Variants in FANCM observed in about 807,000 individuals in gnomAD.
The protein encoded by FANCM is FA complementation group M.
FANCM carries 140 observed loss-of-function variants against 199.5 expected under a neutral mutation model. The observed-to-expected ratio is 0.70, with a 90% CI of 0.61 to 0.81. The LOEUF is 0.81. Among genes scored for constraint, FANCM ranks in the 30% least tolerant of loss-of-function variants. FANCM has a pLI of 0.00. For synonymous variants in FANCM, 840 were observed against 836.8 expected (o/e 1.00, Z -0.07); for missense variants, 2,410 against 2,421.4 (o/e 1.00, Z 0.10).
intron 3 of FANCM, 84 bp downstream of exon 3, chr14:45,140,793 T>C: frequency 1.1e-6 from 1 of 875,494 alleles, no homozygotes; most frequent in South Asian, 1.3e-5. Context: ...GTAATCCTAG[T>C]GCTTTGGGAG....
intron 8 of FANCM, 135 bp downstream of exon 8, chr14:45,155,594 T>A: frequency 1.8e-6 from 1 of 549,100 alleles, no homozygotes; most frequent in Non-Finnish European, 3.4e-6. Context: ...AGGTCAGGAG[T>A]TCAAGACCAG....
Position 45,200,188 on chromosome 14 carries a change from T to C in FANCM, c.*180T>C, listed in dbSNP as rs1268507727. 4.9e-6 allele frequency: 1 copy of C among 204,006 alleles called. No homozygotes were observed. Among genetic ancestry groups the C allele is most frequent in the Non-Finnish European group, 9.3e-6 (1 of 107,730 alleles). 12.6% of individuals were successfully genotyped at this position (204,006 alleles called of 1,614,324 possible). A position where few individuals can be genotyped will look rare whatever the true frequency, so the allele number is the denominator to read the frequency against. On this transcript the variant is annotated 3_prime_UTR_variant, in exon 23 of 23. Coordinates refer to ENST00000267430, the MANE Select transcript of FANCM (RefSeq NM_020937.4). ...TAAAAAAGAAAAATCTGATGTTCAG[T>C]GATCATTTTGACTAGATTATAAAAC...
In FANCM at chr14:45,146,725, C is replaced by T. The variant is rs566589063; in HGVS notation, c.760-2112C>T. Among the ~76,000 whole-genome samples the T allele has an allele frequency of 3.2e-3, 479 of 148,924 alleles. 1 individual carries two copies. The highest frequency in any genetic ancestry group is 4.8e-3 in the Non-Finnish European group (326 of 67,552). The stretch of plus-strand genomic sequence containing the variant: ...GTGGGCACCTGTAGTCCCAGCTACT[C>T]GGGAGGCTGAGGCGCAAGAATGGCG... On this transcript the variant is annotated intron_variant, in intron 3 of 22. Coordinates refer to ENST00000267430, the MANE Select transcript of FANCM (RefSeq NM_020937.4).
Position 45,173,152 on chromosome 14 carries a change from A to G in FANCM, c.2258A>G (p.Asp753Gly), listed in dbSNP as rs756438082. 4.3e-5 allele frequency: 69 copies of G among 1,613,634 alleles called. 2 individuals carry two copies. The South Asian group carries it at 7.0e-4, about 16-fold the overall frequency. ...PLPTHQVDHS[D>G]RCRHFIGLMQ... is the part of the protein sequence containing the mutation. ...CCTACACATCAAGTTGATCACTCAG[A>G]TCGATGCCGCCATTTTATAGGCCTT... The change falls in exon 13 of 23, where the codon GAT becomes GGT. Residue 753 changes from aspartate to glycine, a missense_variant. Physicochemically the swap from Asp to Gly is moderately conservative, Grantham distance 94. Transcript: ENST00000267430.
intron 22 of FANCM, 74 bp downstream of exon 22, chr14:45,199,009 TAAA>T: frequency 8.2e-7 from 1 of 1,215,522 alleles, no homozygotes. Context: ...AGTTTAATGT[TAAA>T]AAAATTTAAG....
intron 3 of FANCM, among the ~76,000 whole-genome samples, chr14:45,148,044 A>G (rs986438178): frequency 4.6e-5 from 7 of 152,046 alleles, no homozygotes; most frequent in Admixed American, 3.9e-4. Flanking sequence ...GAAAATACAA[A>G]AAATTAGCTG....
intron 16 of FANCM, among the ~76,000 whole-genome samples, chr14:45,182,300 A>G (rs1051976623): frequency 5.3e-5 from 8 of 152,256 alleles, no homozygotes; most frequent in African/African-American, 7.2e-5. Context: ...CGGCATCTCT[A>G]TGTTATTAGA....
chr14:45,158,349 TCAC>T (rs1887342901), intron 8 of FANCM, among the ~76,000 whole-genome samples: 2 of 152,064 alleles, frequency 1.3e-5, no homozygotes. Flanking sequence ...ACTACCATGA[TCAC>T]CAATCACCCA....
At chr14:45,169,165 A>T (rs1350604452) in intron 11 of FANCM, among the ~76,000 whole-genome samples, 1 of 151,534 alleles carries the variant, frequency 6.6e-6, no homozygotes, top group Non-Finnish European at 1.5e-5. Flanking sequence ...CAGGTGATCC[A>T]CCTACCTAGG....
rs753774943 is a variant in FANCM at position 45,189,105 on chromosome 14, G to C, written c.5083G>C (p.Val1695Leu). The change falls in exon 20 of 23, where the codon GTT becomes CTT. Residue 1695 changes from valine (V) to leucine (L), a missense_variant. Physicochemically the swap from Val to Leu is conservative, Grantham distance 32 (BLOSUM62 1). Coordinates refer to ENST00000267430, the MANE Select transcript of FANCM (RefSeq NM_020937.4). ...ESNIAVNPST[V>L]KKNKQQDHCL... ...TAATATTGCGGTTAACCCAAGCACT[G>C]TTAAGAAGAACAAACAACAGGACCA... The C allele has an allele frequency of 2.5e-6, 4 of 1,614,186 alleles. No homozygotes were observed. In the South Asian group the frequency reaches 3.3e-5, roughly 13 times the overall value.
chr14:45,193,680 T>G (rs972962419), intron 20 of FANCM, among the ~76,000 whole-genome samples: 1 of 152,216 alleles, frequency 6.6e-6, no homozygotes, highest in Non-Finnish European at 1.5e-5. Flanking sequence ...CATATGTCTT[T>G]TTCTATGCCA....
chr14:45,187,064 G>T (rs1889444985), intron 18 of FANCM, among the ~76,000 whole-genome samples: 1 of 152,126 alleles, frequency 6.6e-6, no homozygotes, highest in African/African-American at 2.4e-5. Context: ...AAAAAAGGAG[G>T]AGTCAGTAGG....
chr14:45,170,383 T>C (rs1420791081), intron 11 of FANCM, among the ~76,000 whole-genome samples: 1 of 152,082 alleles, frequency 6.6e-6, no homozygotes, highest in African/African-American at 2.4e-5. Context: ...GAAAAGTAGA[T>C]GGGCCTGGTG....
intron 14 of FANCM, among the ~76,000 whole-genome samples, chr14:45,178,777 T>C (rs1483263403): frequency 1.3e-5 from 2 of 152,250 alleles, no homozygotes; most frequent in Non-Finnish European, 2.9e-5. Context: ...TGAGTGGTTT[T>C]GTATTTGTTA....
At chr14:45,167,753 CTTAATCTCTGAAGTG>C (rs1888085924) in intron 11 of FANCM, among the ~76,000 whole-genome samples, 1 of 152,006 alleles carries the variant, frequency 6.6e-6, no homozygotes, top group Non-Finnish European at 1.5e-5. Flanking sequence ...TTGGATTTTA[CTTAATCTCTGAAGTG>C]GGTTTTAAAC....
rs1888711469 is a variant in FANCM at position 45,176,504 on chromosome 14, A to C, written c.3750A>C (p.Ser1250=). ...DSDDEILEHT[S]DSNRPLDDLY... ...ATGATGAAATATTGGAACATACATC[A>C]GATAGCAATAGACCTCTAGATGATC... is the stretch of plus-strand genomic sequence containing the variant. The change falls in exon 14 of 23, where the codon TCA becomes TCC. Residue 1250 remains serine (S), a synonymous_variant. Transcript: ENST00000267430. 1.2e-6 allele frequency: 2 copies of C among 1,605,898 alleles called. No individual in the cohort carries two copies. Among genetic ancestry groups the C allele is most frequent in the East Asian group, 4.5e-5 (2 of 44,792 alleles).
At chr14:45,185,641 G>A (rs934470210) in intron 18 of FANCM, among the ~76,000 whole-genome samples, 2 of 151,998 alleles carry the variant, frequency 1.3e-5, no homozygotes, top group African/African-American at 2.4e-5. Context: ...AGTGTTTATT[G>A]CCCGCTACAT....
chr14:45,184,491 G>A (rs1250658731), intron 17 of FANCM, among the ~76,000 whole-genome samples: 1 of 151,726 alleles, frequency 6.6e-6, no homozygotes, highest in African/African-American at 2.4e-5. Flanking sequence ...GTGAAACCCT[G>A]TCTCTACTAA....
In FANCM at chr14:45,188,798, G is replaced by C. The variant is rs1486453187; in HGVS notation, c.4780-4G>C. ...TATAAAACATTCTTGTGTTTTTATT[G>C]TAGATTCCTGAACAAGATGAAACCT... On this transcript the variant is annotated splice_polypyrimidine_tract_variant and splice_region_variant and intron_variant, in intron 19 of 22. Coordinates refer to ENST00000267430, the MANE Select transcript of FANCM (RefSeq NM_020937.4). 5.0e-6 allele frequency: 8 copies of C among 1,600,508 alleles called. No individual in the cohort carries two copies. In the Admixed American group the frequency reaches 6.7e-5, roughly 13 times the overall value.
Sources: allele counts gnomAD v4.1 joint callset (sites outside exome capture counted in the v4.1 genomes callset), GRCh38; gene constraint gnomAD v4.1.1; transcripts MANE v1.5; gene names NCBI Gene and HGNC (gene_info 2026-07-23, HGNC 2026-07-21).